CAMK2D: variants seen among roughly 807,000 people sequenced by gnomAD.
CAMK2D encodes the protein calcium/calmodulin-dependent protein kinase type II subunit delta.
A neutral mutation model predicts 84.0 loss-of-function variants in CAMK2D; 37 were observed. The observed-to-expected ratio is 0.44, with a 90% CI of 0.34 to 0.58. The LOEUF (loss-of-function observed/expected upper bound fraction) is 0.58. Ranked by LOEUF, CAMK2D falls within the 20% of genes least tolerant of loss-of-function variation. The probability of loss-of-function intolerance (pLI) is 0.02; values close to 1 mark genes in which losing one functional copy is unlikely to be tolerated. For missense variants in CAMK2D, 448 were observed against 652.5 expected (o/e 0.69, Z 3.41); for synonymous variants, 202 against 212.5 (o/e 0.95, Z 0.43).
intron 3 of CAMK2D, among the ~76,000 whole-genome samples, chr4:113,635,202 C>T (rs1021809868): frequency 6.6e-6 from 1 of 152,188 alleles, no homozygotes; most frequent in East Asian, 1.9e-4. Context: ...CTTATACTTC[C>T]TCCTGGTAAA....
chr4:113,528,563 A>C (rs11938486), intron 8 of CAMK2D, among the ~76,000 whole-genome samples: 33,504 of 152,054 alleles, frequency 0.22, 3,856 homozygotes, highest in Non-Finnish European at 0.26. Context: ...AAGAGTATGA[A>C]ATGTCCCTTA....
chr4:113,560,898 G>A (rs2098695199), intron 4 of CAMK2D, among the ~76,000 whole-genome samples: 1 of 152,146 alleles, frequency 6.6e-6, no homozygotes, highest in Non-Finnish European at 1.5e-5. Context: ...GGAAAAAATA[G>A]TCTCATAAAG....
chr4:113,570,985 G>A (rs2098750760), intron 4 of CAMK2D, among the ~76,000 whole-genome samples: 1 of 152,068 alleles, frequency 6.6e-6, no homozygotes, highest in Non-Finnish European at 1.5e-5. Flanking sequence ...ATGGACAAAG[G>A]ACCTGAATAG....
At chr4:113,521,555 C>T (rs2098359224) in intron 8 of CAMK2D, among the ~76,000 whole-genome samples, 1 of 152,010 alleles carries the variant, frequency 6.6e-6, no homozygotes, top group Admixed American at 6.6e-5. Context: ...CTTGGAGCTA[C>T]AGTTTTCTTT....
chr4:113,693,055 T>G (rs1373080399), intron 2 of CAMK2D, among the ~76,000 whole-genome samples: 1 of 151,980 alleles, frequency 6.6e-6, no homozygotes, highest in Non-Finnish European at 1.5e-5. Flanking sequence ...ATGTAAAAAA[T>G]AAATAAAACA....
At chr4:113,688,487 C>A (rs1010214428) in intron 2 of CAMK2D, among the ~76,000 whole-genome samples, 1 of 152,122 alleles carries the variant, frequency 6.6e-6, no homozygotes, top group Admixed American at 6.5e-5. Context: ...CCTTCATACA[C>A]GTTTCTAAAA....
intron 5 of CAMK2D, 50 bp downstream of exon 5, chr4:113,551,979 AAG>A: frequency 1.2e-6 from 1 of 819,160 alleles, no homozygotes; most frequent in Non-Finnish European, 2.0e-6. Context: ...TATGCTGAAA[AAG>A]TATTATTTGA....
At chr4:113,653,515 A>G (rs2099184828) in intron 3 of CAMK2D, among the ~76,000 whole-genome samples, 1 of 152,064 alleles carries the variant, frequency 6.6e-6, no homozygotes, top group African/African-American at 2.4e-5. Context: ...TTTAGGCAGA[A>G]CCATCAATAA....
intron 4 of CAMK2D, among the ~76,000 whole-genome samples, chr4:113,600,270 A>G (rs2098946204): frequency 6.6e-6 from 1 of 152,216 alleles, no homozygotes; most frequent in South Asian, 2.1e-4. Flanking sequence ...AGTGAACCCT[A>G]GCATAAATTA....
chr4:113,546,579 A>G (rs1202205424), intron 6 of CAMK2D, among the ~76,000 whole-genome samples: 1 of 152,226 alleles, frequency 6.6e-6, no homozygotes, highest in Non-Finnish European at 1.5e-5. Flanking sequence ...ATATGGATTT[A>G]TAATTTTTTT....
chr4:113,529,314 G>A (rs1043409868), intron 8 of CAMK2D, among the ~76,000 whole-genome samples: 9 of 152,178 alleles, frequency 5.9e-5, no homozygotes, highest in Non-Finnish European at 8.8e-5. Flanking sequence ...GAAATATAGT[G>A]AGGAACAGCC....
At chr4:113,604,579 G>A (rs2098969521) in intron 4 of CAMK2D, among the ~76,000 whole-genome samples, 1 of 152,198 alleles carries the variant, frequency 6.6e-6, no homozygotes, top group Admixed American at 6.5e-5. Flanking sequence ...TCTAGAGGCA[G>A]AAGTTCAGTT....
intron 13 of CAMK2D, chr4:113,508,412 TTC>T: frequency 1.5e-6 from 1 of 646,290 alleles, no homozygotes; most frequent in Non-Finnish European, 2.8e-6. Flanking sequence ...TGGAAATGCG[TTC>T]TATGTAAGGA....
In CAMK2D at chr4:113,682,057, T is replaced by C. The variant is rs570965559; in HGVS notation, c.161-20285A>G. Among the ~76,000 whole-genome samples the C allele has an allele frequency of 2.0e-5, 3 of 152,284 alleles. No homozygotes were observed. The East Asian group carries it at 5.8e-4, about 29-fold the overall frequency. On this transcript the variant is annotated intron_variant, in intron 2 of 20. Transcript: ENST00000511664. ...AAATCCTATTCTACCCCTTCCTTTC[T>C]GGGGAAATTGCTAAGCTTAATTTTC...
At chr4:113,640,891 C>A (rs959948464) in intron 3 of CAMK2D, among the ~76,000 whole-genome samples, 7 of 152,182 alleles carry the variant, frequency 4.6e-5, no homozygotes, top group Non-Finnish European at 1.0e-4. Flanking sequence ...TTTTAACTTT[C>A]ATAATTTGGA....
intron 3 of CAMK2D, 148 bp from the exon 4 acceptor site, chr4:113,609,354 C>A: frequency 1.7e-6 from 1 of 583,522 alleles, no homozygotes; most frequent in East Asian, 2.9e-5. Context: ...TCTTTTACAA[C>A]ATAGCTTGAG....
intron 16 of CAMK2D, among the ~76,000 whole-genome samples, chr4:113,490,041 A>C (rs1021791787): frequency 3.3e-5 from 5 of 151,968 alleles, no homozygotes; most frequent in African/African-American, 7.3e-5. Context: ...TCTGGATATT[A>C]GCCCTTTGTC....
intron 2 of CAMK2D, among the ~76,000 whole-genome samples, chr4:113,680,390 A>C (rs1367251158): frequency 6.6e-6 from 1 of 152,168 alleles, no homozygotes; most frequent in Non-Finnish European, 1.5e-5. Context: ...ATCAGATGTG[A>C]GGTGCCACAA....
intron 4 of CAMK2D, among the ~76,000 whole-genome samples, chr4:113,604,193 C>T (rs755282540): frequency 1.1e-4 from 17 of 151,982 alleles, no homozygotes; most frequent in Non-Finnish European, 2.1e-4. Context: ...TATTTTATCT[C>T]GGAACTCATT....
Sources: allele counts gnomAD v4.1 joint callset (sites outside exome capture counted in the v4.1 genomes callset), GRCh38; gene constraint gnomAD v4.1.1; transcripts MANE v1.5; gene names NCBI Gene and HGNC (gene_info 2026-07-23, HGNC 2026-07-21).